Variants in QTMAN observed in about 807,000 individuals in gnomAD.
The protein encoded by QTMAN is queuosine-tRNA mannosyltransferase.
the QTMAN span, among the ~76,000 whole-genome samples, chr2:144,123,815 T>G: frequency 2.6e-5 from 4 of 152,130 alleles, no homozygotes; most frequent in African/African-American, 9.6e-5. Context: ...TAAATTAGAG[T>G]GCAAGAAGAT....
the QTMAN span, among the ~76,000 whole-genome samples, chr2:144,273,127 A>G: frequency 6.6e-6 from 1 of 152,228 alleles, no homozygotes; most frequent in Non-Finnish European, 1.5e-5. Flanking sequence ...CAGCGCTTTC[A>G]TCGCATGTAT....
chr2:144,026,962 C>T, the QTMAN span, among the ~76,000 whole-genome samples: 1 of 152,156 alleles, frequency 6.6e-6, no homozygotes, highest in African/African-American at 2.4e-5. Context: ...GGAAAATACA[C>T]AAACTATTTC....
chr2:144,020,557 C>A, the QTMAN span, among the ~76,000 whole-genome samples: 3 of 152,110 alleles, frequency 2.0e-5, no homozygotes. Context: ...AAAAGAGCAC[C>A]CTGTAACACA....
chr2:144,310,772 A>C, the QTMAN span, among the ~76,000 whole-genome samples: 2 of 152,250 alleles, frequency 1.3e-5, no homozygotes, highest in Non-Finnish European at 2.9e-5. Flanking sequence ...GATGGCGAAG[A>C]TTAAAGATGA....
At chr2:144,127,192 T>A in the QTMAN span, among the ~76,000 whole-genome samples, 1 of 151,968 alleles carries the variant, frequency 6.6e-6, no homozygotes, top group South Asian at 2.1e-4. Flanking sequence ...AGATTACATA[T>A]AATGATATGA....
At chr2:144,210,905 C>G in the QTMAN span, 1 of 152,068 alleles carries the variant, frequency 6.6e-6, no homozygotes, top group South Asian at 2.1e-4. Context: ...TAAATATATG[C>G]CCTGTATGTA....
At chr2:144,146,278 T>C in the QTMAN span, among the ~76,000 whole-genome samples, 4 of 149,948 alleles carry the variant, frequency 2.7e-5, no homozygotes, top group East Asian at 1.9e-4. Context: ...CCCTCACTTG[T>C]AAAGTATCTT....
the QTMAN span, among the ~76,000 whole-genome samples, chr2:144,202,698 C>T: frequency 6.6e-6 from 1 of 152,092 alleles, no homozygotes; most frequent in Non-Finnish European, 1.5e-5. Flanking sequence ...TAATAAACAT[C>T]CAGCTTGTCT....
the QTMAN span, among the ~76,000 whole-genome samples, chr2:144,103,091 G>A: frequency 3.3e-4 from 50 of 152,200 alleles, no homozygotes; most frequent in African/African-American, 1.2e-3. Flanking sequence ...TGGTGGTGAT[G>A]ATGAAGATGA....
the QTMAN span, among the ~76,000 whole-genome samples, chr2:144,067,920 G>A: frequency 6.6e-6 from 1 of 152,178 alleles, no homozygotes; most frequent in Non-Finnish European, 1.5e-5. Context: ...GCACCAGGGA[G>A]GATGACCTGT....
chr2:144,187,137 C>T, the QTMAN span, among the ~76,000 whole-genome samples: 29 of 152,164 alleles, frequency 1.9e-4, no homozygotes, highest in Non-Finnish European at 3.5e-4. Flanking sequence ...GTCACTGATA[C>T]CACTTTGTGG....
the QTMAN span, among the ~76,000 whole-genome samples, chr2:144,042,637 G>GTAATCAATC: frequency 6.6e-6 from 1 of 151,828 alleles, no homozygotes. Context: ...GTACACGCCT[G>GTAATCAATC]TAATCAATCC....
At chr2:143,965,337 C>A in the QTMAN span, among the ~76,000 whole-genome samples, 3 of 152,124 alleles carry the variant, frequency 2.0e-5, no homozygotes, top group Admixed American at 6.6e-5. Context: ...GTCCATGAGT[C>A]CTATAATAAA....
At chr2:144,115,781 T>C in the QTMAN span, among the ~76,000 whole-genome samples, 3 of 152,318 alleles carry the variant, frequency 2.0e-5, no homozygotes, top group Middle Eastern at 3.4e-3. Flanking sequence ...GGCTATCATG[T>C]CTTTCTCCAG....
At chr2:144,104,718 G>A in the QTMAN span, among the ~76,000 whole-genome samples, 1 of 152,340 alleles carries the variant, frequency 6.6e-6, no homozygotes, top group Non-Finnish European at 1.5e-5. Flanking sequence ...AGAAACCTCT[G>A]CAGACATAAA....
At chr2:144,048,193 C>T in the QTMAN span, among the ~76,000 whole-genome samples, 1 of 152,150 alleles carries the variant, frequency 6.6e-6, no homozygotes, top group Non-Finnish European at 1.5e-5. Context: ...ATGCCCATAC[C>T]TCAAACAACT....
At chr2:144,104,071 C>T in the QTMAN span, among the ~76,000 whole-genome samples, 3 of 152,138 alleles carry the variant, frequency 2.0e-5, no homozygotes, top group African/African-American at 7.2e-5. Context: ...GTCTGGGCAA[C>T]AGAGCAAGAC....
the QTMAN span, among the ~76,000 whole-genome samples, chr2:144,082,480 C>T: frequency 6.6e-6 from 1 of 152,032 alleles, no homozygotes; most frequent in Non-Finnish European, 1.5e-5. Flanking sequence ...GGGTGTATAC[C>T]ATTTTGTTAA....
the QTMAN span, among the ~76,000 whole-genome samples, chr2:144,245,338 A>G: frequency 6.6e-6 from 1 of 152,230 alleles, no homozygotes; most frequent in South Asian, 2.1e-4. Context: ...AAAACCTTTA[A>G]CTAGTTCTTT....
Sources: allele counts gnomAD v4.1 joint callset (sites outside exome capture counted in the v4.1 genomes callset), GRCh38; gene constraint gnomAD v4.1.1; transcripts MANE v1.5; gene names NCBI Gene and HGNC (gene_info 2026-07-23, HGNC 2026-07-21).